The following POT1 variants were observed in gnomAD, a reference collection of about 807,000 sequenced individuals.
The protein encoded by POT1 is protection of telomeres 1.
POT1 carries 47 observed loss-of-function variants against 78.5 expected under a neutral mutation model. The observed-to-expected ratio is 0.60, with a 90% CI of 0.47 to 0.76. The LOEUF is 0.76. POT1 is among the 30% of genes least tolerant of loss of function. The pLI is 0.00. For synonymous variants in POT1, 259 were observed against 260.7 expected, an observed-to-expected ratio of 0.99 and a Z score of 0.06; for missense variants, 646 against 749.9, an observed-to-expected ratio of 0.86 and a Z score of 1.62.
chr7:124,853,354 G>A lies in POT1; in HGVS notation c.703-216C>T, dbSNP rs774633096. On this transcript the variant is annotated intron_variant, in intron 9 of 18. Transcript: ENST00000357628. The stretch of plus-strand genomic sequence containing the variant: ...TATATGGACATGTGCATGCATATGC[G>A]TGTGTGCACACACATACATATACAC... The A allele has an allele frequency of 9.6e-5, 44 of 460,112 alleles. No individual in the cohort carries two copies. In the Middle Eastern group the frequency reaches 1.7e-3, roughly 18 times the overall value. The allele number at this position is 460,112 out of a possible 1,614,324, so 28.5% of individuals were successfully genotyped here.
chr7:124,856,044 G>A (rs753196914), intron 9 of POT1, among the ~76,000 whole-genome samples: 6 of 151,940 alleles, frequency 3.9e-5, no homozygotes, highest in Non-Finnish European at 8.8e-5. Flanking sequence ...AGGGCAATTC[G>A]GGCTCTAAAA....
rs767877070 is a variant in POT1, at chr7:124,851,935, T to C, written c.886A>G (p.Asn296Asp). ...DQLKKDLESA[N>D]LTANQHSDVI... The stretch of plus-strand genomic sequence containing the variant: ...TCTGAATGCTGATTGGCTGTCAAAT[T>C]TGCAGATTCTAAATCCCTATAATTG... The change falls in exon 11 of 19, where the codon AAT becomes GAT. Residue 296 changes from asparagine to aspartate, a missense_variant. Physicochemically the swap from Asn to Asp is conservative, Grantham distance 23. Transcript: ENST00000357628. The C allele has an allele frequency of 5.0e-6, 8 of 1,608,934 alleles. No homozygotes were observed. Among genetic ancestry groups the C allele is most frequent in the African/African-American group, 1.3e-5 (1 of 74,822 alleles).
At chr7:124,844,888 A>C (rs1383498685) in intron 12 of POT1, among the ~76,000 whole-genome samples, 1 of 152,192 alleles carries the variant, frequency 6.6e-6, no homozygotes, top group African/African-American at 2.4e-5. Flanking sequence ...GGAAAATTGC[A>C]AAAACAATAC....
intron 3 of POT1, among the ~76,000 whole-genome samples, chr7:124,913,545 T>C (rs970518655): frequency 6.6e-6 from 1 of 152,190 alleles, no homozygotes; most frequent in Non-Finnish European, 1.5e-5. Flanking sequence ...TAACAATCCA[T>C]TGCCAAATCC....
chr7:124,856,778 T>G (rs1795456595), intron 9 of POT1, among the ~76,000 whole-genome samples: 1 of 152,218 alleles, frequency 6.6e-6, no homozygotes, highest in Non-Finnish European at 1.5e-5. Flanking sequence ...AAATTCATTT[T>G]ATTTATGAAA....
intron 14 of POT1, among the ~76,000 whole-genome samples, chr7:124,838,699 G>A (rs758106354): frequency 1.5e-4 from 23 of 151,916 alleles, no homozygotes; most frequent in African/African-American, 4.8e-4. Context: ...TCCGCCTCCC[G>A]GGTTCAAGCC....
chr7:124,881,178 A>G (rs1796110069), intron 6 of POT1, among the ~76,000 whole-genome samples: 2 of 151,954 alleles, frequency 1.3e-5, no homozygotes, highest in Non-Finnish European at 2.9e-5. Context: ...TTTATTTTTA[A>G]AGTTATATAT....
At chr7:124,893,240 T>C (rs1418780654) in intron 5 of POT1, among the ~76,000 whole-genome samples, 1 of 151,352 alleles carries the variant, frequency 6.6e-6, no homozygotes, top group Non-Finnish European at 1.5e-5. Flanking sequence ...TCTTTGAAAC[T>C]TGTGGTACAA....
chr7:124,888,483 T>G (rs1265475586), intron 6 of POT1, among the ~76,000 whole-genome samples: 1 of 152,082 alleles, frequency 6.6e-6, no homozygotes, highest in Non-Finnish European at 1.5e-5. Flanking sequence ...AGATTGATTT[T>G]TATTTTTCTA....
intron 2 of POT1, among the ~76,000 whole-genome samples, chr7:124,919,930 G>C (rs1390373204): frequency 6.8e-6 from 1 of 147,830 alleles, no homozygotes; most frequent in East Asian, 2.0e-4. Flanking sequence ...AGAAGAACCA[G>C]TGCAAACATA....
intron 6 of POT1, among the ~76,000 whole-genome samples, chr7:124,873,854 T>G (rs75040944): frequency 0.014 from 2,157 of 151,284 alleles, 57 homozygotes; most frequent in African/African-American, 0.048. Context: ...TTCAGGAAAA[T>G]GGAAGGTAAG....
chr7:124,867,642 A>G (rs1795762371), intron 7 of POT1, among the ~76,000 whole-genome samples: 1 of 151,464 alleles, frequency 6.6e-6, no homozygotes, highest in Non-Finnish European at 1.5e-5. Context: ...ATTTTTATTT[A>G]TTTATTTATT....
At chr7:124,860,323 A>T (rs1485311464) in intron 8 of POT1, among the ~76,000 whole-genome samples, 4 of 152,090 alleles carry the variant, frequency 2.6e-5, no homozygotes, top group African/African-American at 9.7e-5. Context: ...ATGTCATTTT[A>T]TGGTTACAAA....
chr7:124,826,982 G>C (rs1396672251), intron 17 of POT1, among the ~76,000 whole-genome samples: 4 of 152,152 alleles, frequency 2.6e-5, no homozygotes, highest in African/African-American at 4.8e-5. Flanking sequence ...TATAGGGAAT[G>C]ACTCTTTAAA....
chr7:124,927,461 G>A (rs376573159), intron 2 of POT1, among the ~76,000 whole-genome samples: 32 of 152,252 alleles, frequency 2.1e-4, no homozygotes, highest in Non-Finnish European at 2.4e-4. Flanking sequence ...CATATACAAA[G>A]AGATTACATA....
rs1794533830 is a variant in POT1, at chr7:124,822,649, C to G, written c.*1313G>C. ...AACTGTAGGGTTTTAAAATATTTTT[C>G]CTGAAAATGTTTTGAACCAAGAGTC... On this transcript the variant is annotated 3_prime_UTR_variant, in exon 19 of 19. Transcript: ENST00000357628. 1 of 386,252 alleles carries G rather than the reference C, an allele frequency of 2.6e-6. No homozygotes were observed. Among genetic ancestry groups the G allele is most frequent in the Non-Finnish European group, 5.5e-6 (1 of 182,676 alleles). 23.9% of individuals were successfully genotyped at this position (386,252 alleles called of 1,614,324 possible).
chr7:124,926,418 A>T (rs1187221013), intron 2 of POT1, among the ~76,000 whole-genome samples: 1 of 152,188 alleles, frequency 6.6e-6, no homozygotes, highest in Non-Finnish European at 1.5e-5. Flanking sequence ...AATGGGTATT[A>T]AAAAGACAAA....
intron 3 of POT1, among the ~76,000 whole-genome samples, chr7:124,904,749 A>G (rs546299387): frequency 1.3e-5 from 2 of 152,318 alleles, no homozygotes; most frequent in African/African-American, 4.8e-5. Flanking sequence ...AGAAAACCCC[A>G]TCGGTCTCAG....
At chr7:124,924,744 T>C (rs1016556942) in intron 2 of POT1, among the ~76,000 whole-genome samples, 2 of 152,000 alleles carry the variant, frequency 1.3e-5, no homozygotes, top group African/African-American at 2.4e-5. Flanking sequence ...TCCAACAGCA[T>C]GTCAAAAAGA....
Sources: allele counts gnomAD v4.1 joint callset (sites outside exome capture counted in the v4.1 genomes callset), GRCh38; gene constraint gnomAD v4.1.1; transcripts MANE v1.5; gene names NCBI Gene and HGNC (gene_info 2026-07-23, HGNC 2026-07-21).